The following SND1 variants were observed in gnomAD, a reference collection of about 807,000 sequenced individuals.
SND1 encodes the protein staphylococcal nuclease domain-containing protein 1.
Under a neutral mutation model 121.7 loss-of-function variants are expected in SND1, and 38 were observed. The ratio of observed to expected loss-of-function variants is 0.31; its 90% CI spans 0.24 to 0.41. The LOEUF (loss-of-function observed/expected upper bound fraction) is 0.41, where lower values mean the gene tolerates loss of function less well. SND1 is among the 10% of genes least tolerant of loss of function. The pLI is 1.00. For missense variants in SND1, 868 were observed against 1,184.6 expected (o/e 0.73, Z 3.92); for synonymous variants, 401 against 447.4 (o/e 0.90, Z 1.31).
intron 21 of SND1, among the ~76,000 whole-genome samples, chr7:128,087,600 A>G (rs1482084538): frequency 6.6e-6 from 1 of 152,058 alleles, no homozygotes. Context: ...GCTGTTGGCC[A>G]AGAAGAATGA....
intron 1 of SND1, among the ~76,000 whole-genome samples, chr7:127,667,072 A>G (rs983423462): frequency 3.3e-5 from 5 of 152,164 alleles, no homozygotes; most frequent in African/African-American, 9.7e-5. Context: ...AAAATTTCCT[A>G]TTTGAGTTTG....
intron 2 of SND1, among the ~76,000 whole-genome samples, chr7:127,691,762 G>A (rs1165675427): frequency 2.0e-5 from 3 of 149,276 alleles, no homozygotes; most frequent in African/African-American, 2.5e-5. Flanking sequence ...GCAGGCGTGC[G>A]CCAACATGCC....
intron 1 of SND1, among the ~76,000 whole-genome samples, chr7:127,679,513 A>G (rs914185075): frequency 6.6e-6 from 1 of 152,170 alleles, no homozygotes; most frequent in African/African-American, 2.4e-5. Context: ...TTTTACTACA[A>G]TCATGTAACA....
chr7:128,085,562 G>A lies in SND1; in HGVS notation c.2235-149G>A, dbSNP rs1793674651. ...GTGGTGACCACAGTGGCCGAGGCTGGGCCTAGATGGAGTGCAGTTACTGTC... is the reference window on the plus strand; with the variant it reads ...GTGGTGACCACAGTGGCCGAGGCTGAGCCTAGATGGAGTGCAGTTACTGTC... On this transcript the variant is annotated intron_variant, in intron 19 of 23. Transcript: ENST00000354725. The surrounding 1 kb of genome is among the most constrained non-coding windows in gnomAD (Gnocchi z 4.4). 2 of 695,378 alleles carry A rather than the reference G, an allele frequency of 2.9e-6. No individual in the cohort carries two copies. The highest frequency in any genetic ancestry group is 3.5e-5 in the African/African-American group (2 of 56,746). 43.1% of individuals were successfully genotyped at this position (695,378 alleles called of 1,614,324 possible). A position where few individuals can be genotyped will look rare whatever the true frequency, so the allele number is the denominator to read the frequency against.
chr7:127,864,262 T>C (rs1233843972), intron 12 of SND1, among the ~76,000 whole-genome samples: 1 of 143,368 alleles, frequency 7.0e-6, no homozygotes, highest in Non-Finnish European at 1.5e-5. Flanking sequence ...TATCAAAGGC[T>C]CAGTTTATGA....
chr7:128,028,880 C>G (rs147609290), intron 16 of SND1: 1 of 1,614,070 alleles, frequency 6.2e-7, no homozygotes, highest in Non-Finnish European at 8.5e-7. Flanking sequence ...ATACACCGGA[C>G]GGAGCTGCTG....
intron 10 of SND1, among the ~76,000 whole-genome samples, chr7:127,782,778 G>A (rs1231708463): frequency 6.6e-6 from 1 of 152,152 alleles, no homozygotes. Context: ...TAGCTGTAGT[G>A]GGGGCAGGGA....
chr7:128,070,786 G>C (rs190877840), intron 16 of SND1, among the ~76,000 whole-genome samples: 1 of 152,042 alleles, frequency 6.6e-6, no homozygotes, highest in Non-Finnish European at 1.5e-5. Context: ...GTATACAGTC[G>C]ATCTTCATTA....
chr7:127,799,839 C>CT (rs2116561017), intron 10 of SND1, among the ~76,000 whole-genome samples: 1 of 152,256 alleles, frequency 6.6e-6, no homozygotes, highest in African/African-American at 2.4e-5. Flanking sequence ...TGAAACAACT[C>CT]TTGAGGTATT....
intron 13 of SND1, among the ~76,000 whole-genome samples, chr7:127,890,033 G>A (rs903907778): frequency 3.9e-5 from 6 of 152,044 alleles, no homozygotes; most frequent in East Asian, 1.9e-4. Context: ...TTTTTTAGGC[G>A]GTATATACCC....
At chr7:127,764,056 A>AAAAAAAAAAAAAAAAAAAAAAAAC (rs1554422863) in intron 10 of SND1, among the ~76,000 whole-genome samples, 11 of 135,198 alleles carry the variant, frequency 8.1e-5, no homozygotes, top group Non-Finnish European at 1.5e-4. Flanking sequence ...AAAAAAACAA[A>AAAAAAAAAAAAAAAAAAAAAAAAC]AAAACAAAAA....
chr7:128,016,996 T>C (rs1461635725), intron 16 of SND1, among the ~76,000 whole-genome samples: 1 of 152,232 alleles, frequency 6.6e-6, no homozygotes, highest in Non-Finnish European at 1.5e-5. Context: ...ACAATATTTG[T>C]CTTAGTCCTT....
chr7:128,071,792 G>A (rs1793416443), intron 16 of SND1, among the ~76,000 whole-genome samples: 1 of 152,176 alleles, frequency 6.6e-6, no homozygotes, highest in Non-Finnish European at 1.5e-5. Flanking sequence ...TGTGGCTGTG[G>A]CAGCTGTAAT....
At chr7:128,020,421 C>T (rs562443674) in intron 16 of SND1, among the ~76,000 whole-genome samples, 3 of 152,184 alleles carry the variant, frequency 2.0e-5, no homozygotes, top group Non-Finnish European at 2.9e-5. Flanking sequence ...CGCTAGGTCG[C>T]GAACCCAGAG....
intron 11 of SND1, among the ~76,000 whole-genome samples, chr7:127,841,213 A>G (rs1798959263): frequency 6.6e-6 from 1 of 152,032 alleles, no homozygotes; most frequent in African/African-American, 2.4e-5. Context: ...CTGTCTGCCT[A>G]CTGAGAAGGA....
chr7:127,917,022 A>G (rs932549064), intron 14 of SND1, among the ~76,000 whole-genome samples: 1 of 152,228 alleles, frequency 6.6e-6, no homozygotes, highest in Admixed American at 6.5e-5. Context: ...GAAAGAAATG[A>G]CAATGATGTG....
intron 9 of SND1, among the ~76,000 whole-genome samples, chr7:127,713,599 T>C (rs1020249832): frequency 1.3e-5 from 2 of 152,206 alleles, no homozygotes; most frequent in Non-Finnish European, 2.9e-5. Flanking sequence ...AGGGCCCCGC[T>C]AAAAGCCTCA....
rs766995374 is a variant in SND1, at chr7:128,081,470, C to T, written c.2079C>T (p.Asp693=). Residue 693 remains aspartate, a synonymous_variant, in exon 18 of 24, where the codon GAC becomes GAT. Transcript: ENST00000354725. ...TGTTTGTGACTGAGATCACTGATGA[C>T]CTGCACTTCTACGTGCAGGATGTGG... ...KPVFVTEITD[D]LHFYVQDVET... 2.5e-6 allele frequency: 4 copies of T among 1,614,000 alleles called. No homozygotes were observed. In the African/African-American group the frequency reaches 5.3e-5, roughly 22 times the overall value.
chr7:127,736,158 T>A (rs376922221), intron 10 of SND1, among the ~76,000 whole-genome samples: 1 of 152,224 alleles, frequency 6.6e-6, no homozygotes, highest in Non-Finnish European at 1.5e-5. Context: ...TTAACCCCAA[T>A]AGATAGATGG....
Sources: allele counts gnomAD v4.1 joint callset (sites outside exome capture counted in the v4.1 genomes callset), GRCh38; gene constraint gnomAD v4.1.1; non-coding constraint Gnocchi (gnomAD v3.1); transcripts MANE v1.5; gene names NCBI Gene and HGNC (gene_info 2026-07-23, HGNC 2026-07-21).